NRXN1: variants seen among roughly 807,000 people sequenced by gnomAD.
The protein encoded by NRXN1 is neurexin 1, also known as neurexin-1.
Under a neutral mutation model 150.9 loss-of-function variants are expected in NRXN1, and 39 were observed. The observed-to-expected ratio is 0.26, with a 90% CI of 0.20 to 0.34. The LOEUF (loss-of-function observed/expected upper bound fraction) is 0.34, where lower values mean the gene tolerates loss of function less well. Among genes scored for constraint, NRXN1 ranks in the 10% least tolerant of loss-of-function variants. The pLI is 1.00. For missense variants in NRXN1, 1,815 were observed against 1,949.9 expected, an observed-to-expected ratio of 0.93 and a Z score of 1.30; for synonymous variants, 924 against 757.0, an observed-to-expected ratio of 1.22 and a Z score of -3.62.
intron 21 of NRXN1, among the ~76,000 whole-genome samples, chr2:50,000,958 A>G (rs1168535224): frequency 6.6e-6 from 1 of 152,168 alleles, no homozygotes; most frequent in Non-Finnish European, 1.5e-5. Flanking sequence ...ACACGGCCTT[A>G]ATTTCAGATA....
At chr2:50,832,876 T>C (rs941813058) in intron 5 of NRXN1, among the ~76,000 whole-genome samples, 1 of 152,198 alleles carries the variant, frequency 6.6e-6, no homozygotes, top group African/African-American at 2.4e-5. Flanking sequence ...ACACTATTTC[T>C]GTGAAAGGAT....
intron 5 of NRXN1, among the ~76,000 whole-genome samples, chr2:50,758,294 T>C (rs1701393347): frequency 6.6e-6 from 1 of 151,800 alleles, no homozygotes; most frequent in Admixed American, 6.6e-5. Flanking sequence ...CTTAGAAATG[T>C]TGACCTTTAC....
chr2:50,317,511 T>C (rs1039797326), intron 17 of NRXN1, among the ~76,000 whole-genome samples: 1 of 151,552 alleles, frequency 6.6e-6, no homozygotes, highest in Admixed American at 6.6e-5. Context: ...ACAATTGCTA[T>C]ACCCAGTGGA....
chr2:50,039,500 C>T (rs58189189), intron 21 of NRXN1, among the ~76,000 whole-genome samples: 2,790 of 152,220 alleles, frequency 0.018, 88 homozygotes, highest in African/African-American at 0.063. Flanking sequence ...AGAAACTGTG[C>T]AAAGAGAGGT....
chr2:50,647,469 A>C, intron 5 of NRXN1, among the ~76,000 whole-genome samples: 1 of 152,010 alleles, frequency 6.6e-6, no homozygotes. Context: ...AGAAATACAC[A>C]GGAAAACAAA....
At chr2:50,911,084 G>A (rs1684446639) in intron 5 of NRXN1, among the ~76,000 whole-genome samples, 3 of 151,942 alleles carry the variant, frequency 2.0e-5, no homozygotes, top group African/African-American at 7.2e-5. Flanking sequence ...CAACAGATGG[G>A]ACCACTGAGA....
chr2:50,104,153 G>A (rs564258654), intron 18 of NRXN1, among the ~76,000 whole-genome samples: 3 of 152,094 alleles, frequency 2.0e-5, no homozygotes, highest in Admixed American at 6.6e-5. Flanking sequence ...GTCATCTACT[G>A]GAGTACAAAA....
At chr2:50,224,048 C>G (rs2064132022) in intron 18 of NRXN1, among the ~76,000 whole-genome samples, 1 of 151,928 alleles carries the variant, frequency 6.6e-6, no homozygotes, top group Admixed American at 6.6e-5. Flanking sequence ...TGTGCTATGT[C>G]ATCACACTTT....
At chr2:49,936,721 TA>T (rs35706467) in intron 22 of NRXN1, among the ~76,000 whole-genome samples, 6,691 of 141,660 alleles carry the variant, frequency 0.047, 413 homozygotes, top group African/African-American at 0.15. Context: ...ATTATATTGT[TA>T]AAAAAAAAAA....
At chr2:50,657,247 T>TAA (rs1686622154) in intron 5 of NRXN1, among the ~76,000 whole-genome samples, 1 of 151,976 alleles carries the variant, frequency 6.6e-6, no homozygotes, top group Non-Finnish European at 1.5e-5. Context: ...TTCCCTGGAT[T>TAA]TTGGCATTTC....
At position 50,461,916 on chromosome 2, in the gene NRXN1, T is replaced by C. The variant is rs530448337; in HGVS notation, c.3364+3526A>G. Among the ~76,000 whole-genome samples, 3 of 151,872 alleles carry C rather than the reference T, an allele frequency of 2.0e-5. No homozygotes were observed. The East Asian group carries it at 5.8e-4, about 30-fold the overall frequency. On this transcript the variant is annotated intron_variant, in intron 17 of 22. Transcript: ENST00000401669. The stretch of plus-strand genomic sequence containing the variant: ...GTGGGGAAATTAGCATAAGCAATGG[T>C]GAGGAAATTGGAAAGTGTAATGTTG...
intron 5 of NRXN1, among the ~76,000 whole-genome samples, chr2:50,668,139 GCCTC>G: frequency 6.6e-6 from 1 of 151,912 alleles, no homozygotes; most frequent in Non-Finnish European, 1.5e-5. Flanking sequence ...TTTCAACAAA[GCCTC>G]CATTTTACTG....
In NRXN1 at chr2:50,424,373, T is replaced by C. The variant is rs1431369810; in HGVS notation, c.3364+41069A>G. On this transcript the variant is annotated intron_variant, in intron 17 of 22. Coordinates refer to ENST00000401669, the MANE Select transcript of NRXN1 (RefSeq NM_001330078.2). ...AATAAATTTTGGGAGAGAAACAAGA[T>C]AGGGATTTAAGAGGAGAAATGTTTG... Among the ~76,000 whole-genome samples the C allele has an allele frequency of 9.9e-5, 14 of 141,444 alleles. No homozygotes were observed. The East Asian group carries it at 3.2e-3, about 32-fold the overall frequency. The allele number at this position is 141,444 out of a possible 152,430, so 92.8% of individuals were successfully genotyped here. A position where few individuals can be genotyped will look rare whatever the true frequency, so the allele number is the denominator to read the frequency against.
intron 18 of NRXN1, among the ~76,000 whole-genome samples, chr2:50,107,532 TA>T: frequency 7.7e-6 from 1 of 129,070 alleles, no homozygotes; most frequent in African/African-American, 2.9e-5. Flanking sequence ...TATATATATA[TA>T]TATATATTTT....
chr2:50,330,226 C>G (rs1252632596), intron 17 of NRXN1, among the ~76,000 whole-genome samples: 4 of 151,538 alleles, frequency 2.6e-5, no homozygotes, highest in African/African-American at 7.3e-5. Context: ...AGGAATATAC[C>G]AAAATTTTAA....
At chr2:50,714,507 T>C (rs1483913831) in intron 5 of NRXN1, among the ~76,000 whole-genome samples, 1 of 152,050 alleles carries the variant, frequency 6.6e-6, no homozygotes, top group East Asian at 1.9e-4. Context: ...CTTCCCGCCA[T>C]CAATCATTAC....
chr2:49,993,907 G>A (rs1171890020), intron 21 of NRXN1, among the ~76,000 whole-genome samples: 1 of 152,070 alleles, frequency 6.6e-6, no homozygotes, highest in Non-Finnish European at 1.5e-5. Context: ...ACTCTTAGAA[G>A]AACTGGCTGT....
At chr2:50,509,793 T>A (rs1270364070) in intron 12 of NRXN1, among the ~76,000 whole-genome samples, 2 of 152,160 alleles carry the variant, frequency 1.3e-5, no homozygotes, top group Non-Finnish European at 2.9e-5. Flanking sequence ...TCTCCCTGCA[T>A]CAATGTATTA....
At chr2:50,472,194 G>C in intron 16 of NRXN1, 104 bp downstream of exon 16, 1 of 929,888 alleles carries the variant, frequency 1.1e-6, no homozygotes. Flanking sequence ...AGCCCAAATT[G>C]GGTATTTGAC....
Sources: allele counts gnomAD v4.1 joint callset (sites outside exome capture counted in the v4.1 genomes callset), GRCh38; gene constraint gnomAD v4.1.1; transcripts MANE v1.5; gene names NCBI Gene and HGNC (gene_info 2026-07-23, HGNC 2026-07-21).